Variants in SCHIP1 observed in about 807,000 individuals in gnomAD.
The protein encoded by SCHIP1 is schwannomin interacting protein 1.
Under a neutral mutation model 29.7 loss-of-function variants are expected in SCHIP1, and 8 were observed. The ratio of observed to expected loss-of-function variants is 0.27; its 90% CI spans 0.16 to 0.49. The LOEUF (loss-of-function observed/expected upper bound fraction) is 0.49. SCHIP1 is among the 20% of genes least tolerant of loss of function. The probability of loss-of-function intolerance (pLI) is 0.99; values close to 1 mark genes in which losing one functional copy is unlikely to be tolerated. For missense variants in SCHIP1, 193 were observed against 294.6 expected (o/e 0.66, Z 2.52); for synonymous variants, 76 against 94.9 (o/e 0.80, Z 1.16).
chr3:159,438,580 C>A, the SCHIP1 span, among the ~76,000 whole-genome samples: 1 of 152,064 alleles, frequency 6.6e-6, no homozygotes, highest in African/African-American at 2.4e-5. Flanking sequence ...CAGATCATCC[C>A]ATCACCCAGG....
At chr3:159,313,094 G>T in the SCHIP1 span, among the ~76,000 whole-genome samples, 1 of 152,120 alleles carries the variant, frequency 6.6e-6, no homozygotes, top group East Asian at 1.9e-4. Context: ...CAACTATGAA[G>T]CTACTTAGTA....
chr3:159,429,421 A>T, the SCHIP1 span, among the ~76,000 whole-genome samples: 2 of 152,094 alleles, frequency 1.3e-5, no homozygotes, highest in African/African-American at 4.8e-5. Flanking sequence ...AGAGAACTTT[A>T]CTTTCCAAAA....
chr3:159,506,957 T>A, the SCHIP1 span, among the ~76,000 whole-genome samples: 2 of 152,338 alleles, frequency 1.3e-5, no homozygotes, highest in East Asian at 3.9e-4. Flanking sequence ...GGGCTCTTCT[T>A]TGGTTCCATA....
At chr3:159,319,500 C>T in the SCHIP1 span, among the ~76,000 whole-genome samples, 1 of 152,172 alleles carries the variant, frequency 6.6e-6, no homozygotes, top group African/African-American at 2.4e-5. Flanking sequence ...AATGTCTGTG[C>T]AAGTCTCTAT....
the SCHIP1 span, among the ~76,000 whole-genome samples, chr3:159,511,873 A>G: frequency 6.6e-6 from 1 of 152,220 alleles, no homozygotes; most frequent in Non-Finnish European, 1.5e-5. Flanking sequence ...CAAAACATGA[A>G]AAACAAAACT....
At chr3:159,847,420 T>C (rs1391755201) in intron 1 of SCHIP1, among the ~76,000 whole-genome samples, 2 of 152,162 alleles carry the variant, frequency 1.3e-5, no homozygotes, top group African/African-American at 4.8e-5. Flanking sequence ...CTGTGCACTA[T>C]ATAGAAGCAT....
At chr3:159,453,106 T>C in the SCHIP1 span, among the ~76,000 whole-genome samples, 1 of 152,204 alleles carries the variant, frequency 6.6e-6, no homozygotes, top group South Asian at 2.1e-4. Flanking sequence ...CTCTCATCTT[T>C]TGCTACTCAC....
the SCHIP1 span, among the ~76,000 whole-genome samples, chr3:159,416,452 T>G: frequency 6.6e-6 from 1 of 152,246 alleles, no homozygotes; most frequent in African/African-American, 2.4e-5. Context: ...CCTACTTTGG[T>G]ATCCTCAGAG....
At chr3:159,437,077 C>T in the SCHIP1 span, among the ~76,000 whole-genome samples, 1 of 152,120 alleles carries the variant, frequency 6.6e-6, no homozygotes, top group Non-Finnish European at 1.5e-5. Context: ...TAGGTCCATA[C>T]TGTAATTTAT....
At chr3:159,376,825 C>T in the SCHIP1 span, among the ~76,000 whole-genome samples, 2 of 152,156 alleles carry the variant, frequency 1.3e-5, no homozygotes, top group Non-Finnish European at 2.9e-5. Flanking sequence ...TCAGTAGCCC[C>T]AGTTTTGGGC....
the SCHIP1 span, chr3:159,764,569 C>T: frequency 6.2e-7 from 1 of 1,604,858 alleles, no homozygotes; most frequent in Non-Finnish European, 8.5e-7. This position sits in a 1 kb window ranked among gnomAD's most constrained non-coding sequence, Gnocchi z 6.1. Flanking sequence ...TTCATCGTCG[C>T]CGGGGGGCAG....
At chr3:159,403,074 G>A in the SCHIP1 span, among the ~76,000 whole-genome samples, 3 of 152,078 alleles carry the variant, frequency 2.0e-5, no homozygotes, top group Non-Finnish European at 4.4e-5. Flanking sequence ...CTCTGAAACT[G>A]ACAAAAGCTC....
At chr3:159,705,179 G>A in the SCHIP1 span, among the ~76,000 whole-genome samples, 3 of 152,178 alleles carry the variant, frequency 2.0e-5, no homozygotes, top group African/African-American at 7.2e-5. Context: ...GGCCAGGCTG[G>A]TCTTGAACTC....
exon 1 of SCHIP1, chr3:159,840,066 C>T: frequency 6.6e-7 from 1 of 1,506,198 alleles, no homozygotes; most frequent in Non-Finnish European, 8.8e-7. Context: ...TTTTAATCTG[C>T]GGGGAGCCCC....
intron 1 of SCHIP1, among the ~76,000 whole-genome samples, chr3:159,841,291 T>A (rs987871667): frequency 6.6e-6 from 1 of 152,222 alleles, no homozygotes; most frequent in Non-Finnish European, 1.5e-5. Flanking sequence ...TCTTGCTTAA[T>A]AACTAGAAAT....
chr3:159,575,221 A>G, the SCHIP1 span, among the ~76,000 whole-genome samples: 2 of 152,294 alleles, frequency 1.3e-5, no homozygotes, highest in Admixed American at 1.3e-4. Context: ...AGCTGTTCCT[A>G]TTCAGCCATC....
chr3:159,504,037 C>A, the SCHIP1 span, among the ~76,000 whole-genome samples: 1 of 152,096 alleles, frequency 6.6e-6, no homozygotes, highest in African/African-American at 2.4e-5. Flanking sequence ...GATCCTTTGG[C>A]CAGAGGCTGT....
chr3:159,693,212 A>G, the SCHIP1 span, among the ~76,000 whole-genome samples: 4 of 152,314 alleles, frequency 2.6e-5, no homozygotes, highest in South Asian at 8.3e-4. Context: ...AAAATGACTC[A>G]GCATTGAAAA....
the SCHIP1 span, among the ~76,000 whole-genome samples, chr3:159,370,501 C>G: frequency 6.6e-6 from 1 of 152,178 alleles, no homozygotes; most frequent in African/African-American, 2.4e-5. Flanking sequence ...AATGTGTCAA[C>G]TTGACTGAGC....
Sources: allele counts gnomAD v4.1 joint callset (sites outside exome capture counted in the v4.1 genomes callset), GRCh38; gene constraint gnomAD v4.1.1; non-coding constraint Gnocchi (gnomAD v3.1); transcripts MANE v1.5; gene names NCBI Gene and HGNC (gene_info 2026-07-23, HGNC 2026-07-21).